The following ELFN1 variants were observed in gnomAD, a reference collection of about 807,000 sequenced individuals.
ELFN1 encodes extracellular leucine rich repeat and fibronectin type III domain containing 1, also known as protein ELFN1.
A neutral mutation model predicts 7.6 loss-of-function variants in ELFN1; 6 were observed. The observed-to-expected ratio is 0.79, with a 90% CI of 0.43 to 1.56. The LOEUF is 1.56. Among genes scored for constraint, ELFN1 ranks in the 40% most tolerant of loss-of-function variants. The pLI, the probability that ELFN1 is intolerant of heterozygous loss-of-function variation, is 0.01. For missense variants in ELFN1, 1,169 were observed against 1,232.2 expected, an observed-to-expected ratio of 0.95 and a Z score of 0.77; for synonymous variants, 657 against 588.1, an observed-to-expected ratio of 1.12 and a Z score of -1.70.
chr7:1,725,473 T>G (rs1780164386), intron 3 of ELFN1, among the ~76,000 whole-genome samples: 1 of 149,566 alleles, frequency 6.7e-6, no homozygotes, highest in Non-Finnish European at 1.5e-5. Flanking sequence ...GGGCAGCAGG[T>G]GTGAGGCAGA....
intron 1 of ELFN1, among the ~76,000 whole-genome samples, chr7:1,671,365 C>T (rs1364883708): frequency 6.6e-6 from 1 of 152,166 alleles, no homozygotes; most frequent in Non-Finnish European, 1.5e-5. Flanking sequence ...CAGGTGTGCA[C>T]GTCCTCAAAA....
chr7:1,725,097 G>A (rs1780149637), intron 3 of ELFN1, among the ~76,000 whole-genome samples: 1 of 152,226 alleles, frequency 6.6e-6, no homozygotes, highest in South Asian at 2.1e-4. Context: ...TTGGGCTGGG[G>A]ATCAAAAAGG....
intron 1 of ELFN1, among the ~76,000 whole-genome samples, chr7:1,676,582 C>T (rs1181787094): frequency 6.6e-6 from 1 of 152,238 alleles, no homozygotes; most frequent in African/African-American, 2.4e-5. Flanking sequence ...TCTGACTTGC[C>T]CTGCATGGCC....
At position 1,695,747 on chromosome 7, in the gene ELFN1, C is replaced by CA. The variant is rs34132549; in HGVS notation, c.-456+7622dup. Among the ~76,000 whole-genome samples the CA allele has an allele frequency of 0.52, 30,297 of 58,426 alleles. 7,174 individuals are homozygous for CA. The highest frequency in any genetic ancestry group is 0.57 in the Non-Finnish European group (17,879 of 31,516). 38.3% of individuals were successfully genotyped at this position (58,426 alleles called of 152,430 possible). ...TGGGTGACAGAGCGAGACTCCGTGT[C>CA]AAAAAAAAAAAAAAAAAAAAAAAAA... On this transcript the variant is annotated intron_variant, in intron 2 of 3. Transcript: ENST00000424383. This position sits in a 1 kb window ranked among gnomAD's most constrained non-coding sequence, Gnocchi z 5.1.
chr7:1,699,854 C>G lies in ELFN1; in HGVS notation c.-455-9237C>G, dbSNP rs189246735. 1.8e-4 allele frequency among the ~76,000 whole-genome samples: 28 copies of G among 152,200 alleles called. No homozygotes were observed. In the East Asian group the frequency reaches 4.1e-3, roughly 22 times the overall value. Reference sequence around the variant, plus strand: ...GGGTAGCTGGGATTACAGGCGTGTGCCACCGTGCCCTGCTAATTTTTGTAT... The same window carrying G: ...GGGTAGCTGGGATTACAGGCGTGTGGCACCGTGCCCTGCTAATTTTTGTAT... On this transcript the variant is annotated intron_variant, in intron 2 of 3. Transcript: ENST00000424383.
In ELFN1 at chr7:1,740,774, C is replaced by T. The variant is rs549260709; in HGVS notation, c.-293-3530C>T. On this transcript the variant is annotated intron_variant, in intron 3 of 3. Transcript: ENST00000424383. This position sits in a 1 kb window ranked among gnomAD's most constrained non-coding sequence, Gnocchi z 5.0. ...GGCTGACTCACAGTGTGACTTCGGA[C>T]AAGTCCTTCTGTGTCTGTGCCTCAG... Among the ~76,000 whole-genome samples the T allele has an allele frequency of 6.6e-6, 1 of 152,304 alleles. No individual in the cohort carries two copies. Among genetic ancestry groups the T allele is most frequent in the South Asian group, 2.1e-4 (1 of 4,824 alleles).
chr7:1,699,158 C>T (rs1779375119), intron 2 of ELFN1, among the ~76,000 whole-genome samples: 1 of 152,238 alleles, frequency 6.6e-6, no homozygotes, highest in Non-Finnish European at 1.5e-5. Flanking sequence ...CCATGTAAGG[C>T]TGTACCTCAG....
chr7:1,698,314 C>T (rs1428819631), intron 2 of ELFN1, among the ~76,000 whole-genome samples: 1 of 152,210 alleles, frequency 6.6e-6, no homozygotes, highest in Non-Finnish European at 1.5e-5. Flanking sequence ...ATTCCTGCCT[C>T]CCTTTTGTGG....
intron 3 of ELFN1, among the ~76,000 whole-genome samples, chr7:1,724,555 G>A (rs906714386): frequency 3.3e-5 from 5 of 152,086 alleles, no homozygotes; most frequent in South Asian, 2.1e-4. Flanking sequence ...CTCAAATTTC[G>A]CCCAAACTGC....
intron 1 of ELFN1, among the ~76,000 whole-genome samples, chr7:1,680,023 A>G (rs553744514): frequency 5.9e-5 from 9 of 152,340 alleles, no homozygotes; most frequent in Admixed American, 6.5e-5. Flanking sequence ...AAACATGACC[A>G]TGAAGTCGGG....
At chr7:1,722,518 C>A (rs181529823) in intron 3 of ELFN1, among the ~76,000 whole-genome samples, 86 of 151,918 alleles carry the variant, frequency 5.7e-4, no homozygotes, top group South Asian at 2.9e-3. Context: ...ATCCACCCCC[C>A]GCTCAGCCTC....
chr7:1,672,735 C>G (rs80166971), intron 1 of ELFN1, among the ~76,000 whole-genome samples: 3 of 152,246 alleles, frequency 2.0e-5, no homozygotes, highest in Non-Finnish European at 2.9e-5. Context: ...TCCCTTCCCC[C>G]CCGACAAGCC....
chr7:1,680,055 A>T (rs555723703), intron 1 of ELFN1, among the ~76,000 whole-genome samples: 2 of 152,354 alleles, frequency 1.3e-5, no homozygotes, highest in East Asian at 3.9e-4. Context: ...ACGCATTAGA[A>T]GTGTTCATTC....
chr7:1,714,922 G>A (rs1421250641), intron 3 of ELFN1, among the ~76,000 whole-genome samples: 3 of 152,334 alleles, frequency 2.0e-5, no homozygotes, highest in African/African-American at 7.2e-5. Context: ...AATGGTCCAG[G>A]TTCCTTGTAG....
At chr7:1,713,030 A>G (rs966316813) in intron 3 of ELFN1, among the ~76,000 whole-genome samples, 3 of 152,218 alleles carry the variant, frequency 2.0e-5, no homozygotes, top group African/African-American at 7.2e-5. Context: ...CCGATGCTGC[A>G]TCCATGTTAG....
upstream of ELFN1, among the ~76,000 whole-genome samples, chr7:1,666,759 T>C (rs940224019): frequency 3.4e-5 from 5 of 148,244 alleles, no homozygotes; most frequent in Non-Finnish European, 7.5e-5. This position sits in a 1 kb window ranked among gnomAD's most constrained non-coding sequence, Gnocchi z 7.9. Flanking sequence ...GGGGAGGGAG[T>C]GGGCTGTGGG....
upstream of ELFN1, among the ~76,000 whole-genome samples, chr7:1,667,601 G>A (rs1231501502): frequency 6.6e-6 from 1 of 152,142 alleles, no homozygotes; most frequent in African/African-American, 2.4e-5. This position sits in a 1 kb window ranked among gnomAD's most constrained non-coding sequence, Gnocchi z 8.2. Context: ...TCTGGGGGAC[G>A]GGGAATACGG....
At chr7:1,727,298 G>A (rs537387165) in intron 3 of ELFN1, among the ~76,000 whole-genome samples, 1 of 152,336 alleles carries the variant, frequency 6.6e-6, no homozygotes, top group Admixed American at 6.5e-5. Flanking sequence ...AGCTAGAAAT[G>A]ATGAGACAAG....
intron 3 of ELFN1, among the ~76,000 whole-genome samples, chr7:1,719,776 C>T (rs1338425741): frequency 1.3e-5 from 2 of 152,164 alleles, no homozygotes; most frequent in Admixed American, 6.5e-5. Context: ...AGGTGGGGGG[C>T]CTCCCCTACC....
Sources: allele counts gnomAD v4.1 joint callset (sites outside exome capture counted in the v4.1 genomes callset), GRCh38; gene constraint gnomAD v4.1.1; non-coding constraint Gnocchi (gnomAD v3.1); transcripts MANE v1.5; gene names NCBI Gene and HGNC (gene_info 2026-07-23, HGNC 2026-07-21).